Variants in MTMR8 observed in about 807,000 individuals in gnomAD.
MTMR8 encodes phosphatidylinositol-3,5-bisphosphate 3-phosphatase MTMR8.
Under a neutral mutation model 39.3 loss-of-function variants are expected in MTMR8, and 65 were observed. The observed-to-expected ratio is 1.65, with a 90% CI of 1.35 to 2.03. MTMR8 has a LOEUF of 2.03. Ranked by LOEUF, MTMR8 falls within the 30% of genes most tolerant of loss-of-function variation. MTMR8 has a pLI of 0.00. For synonymous variants in MTMR8, 245 were observed against 185.2 expected (o/e 1.32, Z -2.62); for missense variants, 777 against 538.9 (o/e 1.44, Z -4.37).
At chrX:64,388,220 C>A (rs1426386260) in intron 1 of MTMR8, among the ~76,000 whole-genome samples, 2 of 111,618 alleles carry the variant, frequency 1.8e-5, no homozygotes, top group South Asian at 3.8e-4. Context: ...GAATACCAAC[C>A]AGTGTAATGA....
chrX:64,384,114 C>T lies in MTMR8; in HGVS notation c.24+11226G>A, dbSNP rs769157858. 1.1e-3 allele frequency among the ~76,000 whole-genome samples: 121 copies of T among 111,971 alleles called. No individual in the cohort carries two copies. In the South Asian group the frequency reaches 0.016, roughly 14 times the overall value. Reference sequence around the variant, plus strand: ...AGGAGTTATAGGCCCCATGCAAGTACAAAACCCAGCAGAGCAGTCATTAAA... The same window carrying T: ...AGGAGTTATAGGCCCCATGCAAGTATAAAACCCAGCAGAGCAGTCATTAAA... On this transcript the variant is annotated intron_variant, in intron 1 of 13. Coordinates refer to ENST00000374852, the MANE Select transcript of MTMR8 (RefSeq NM_017677.4).
At chrX:64,301,741 A>G (rs1921885233) in intron 12 of MTMR8, among the ~76,000 whole-genome samples, 1 of 111,180 alleles carries the variant, frequency 9.0e-6, no homozygotes, top group African/African-American at 3.3e-5. Flanking sequence ...ATGGTGATGT[A>G]CAGATGGGTT....
chrX:64,269,148 T>C (rs892539276), intron 13 of MTMR8, 105 bp from the exon 14 acceptor site: 2 of 853,646 alleles, frequency 2.3e-6, no homozygotes, highest in Admixed American at 6.2e-5. Context: ...CTTATAATGG[T>C]AGCAAATGAC....
rs764878210 is a variant in MTMR8, at chrX:64,359,419, G to A, written c.133C>T (p.Arg45Trp). The A allele has an allele frequency of 2.2e-5, 26 of 1,200,879 alleles. No homozygotes were observed. The highest frequency in any genetic ancestry group is 8.9e-5 in the East Asian group (3 of 33,539). Residue 45 changes from arginine (R) to tryptophan (W), a missense_variant, in exon 2 of 14, where the codon CGG becomes TGG. Arg to Trp is a moderately radical substitution (Grantham distance 101). Transcript: ENST00000374852. Reference sequence around the variant, plus strand: ...CATGAACATACCCATGTTTCTTTCCGGGCTGCACCTGAAGCCTCCACATAG... The same window carrying A: ...CATGAACATACCCATGTTTCTTTCCAGGCTGCACCTGAAGCCTCCACATAG... ...LIYVEASGAA[R>W]KETWIALHHI...
At chrX:64,388,824 T>G (rs1044645669) in intron 1 of MTMR8, among the ~76,000 whole-genome samples, 9 of 112,269 alleles carry the variant, frequency 8.0e-5, no homozygotes, top group Non-Finnish European at 1.7e-4. Flanking sequence ...CTTTAATAGG[T>G]GAACGTTCAC....
At chrX:64,305,862 T>G (rs1217107703) in intron 12 of MTMR8, 2 of 278,187 alleles carry the variant, frequency 7.2e-6, no homozygotes, top group Non-Finnish European at 1.3e-5. Context: ...ACACTTGGAA[T>G]GCTAGCACTT....
At chrX:64,293,400 T>C (rs1453067750) in intron 12 of MTMR8, among the ~76,000 whole-genome samples, 1 of 111,553 alleles carries the variant, frequency 9.0e-6, no homozygotes, top group East Asian at 2.8e-4. Flanking sequence ...GTGGTTTAGC[T>C]TGAACCCTGA....
rs969028986 is a variant in MTMR8, at chrX:64,356,302, G to C, written c.184C>G (p.Pro62Ala). The change falls in exon 3 of 14, where the codon CCC becomes GCC. Residue 62 changes from proline (P) to alanine (A), a missense_variant. Coordinates refer to ENST00000374852, the MANE Select transcript of MTMR8 (RefSeq NM_017677.4). The stretch of plus-strand genomic sequence containing the variant: ...AGGGGACAACCCAGGCTAGTGATGG[G>C]TAACTTCTCCACAGTGGCAATGTGA... The part of the protein sequence containing the change: ...LHHIATVEKL[P>A]ITSLGCPLTL... 8.3e-7 allele frequency: 1 copy of C among 1,206,618 alleles called. No homozygotes were observed. Among genetic ancestry groups the C allele is most frequent in the African/African-American group, 1.8e-5 (1 of 56,832 alleles).
In MTMR8 at chrX:64,293,104, A is replaced by C. The variant is rs770741829; in HGVS notation, c.1482-22031T>G. On this transcript the variant is annotated intron_variant, in intron 12 of 13. Transcript: ENST00000374852. Reference sequence around the variant, plus strand: ...CAGGCAACAGATGACCTGCAGCATGATGACTTGGCAAGTCCAGAGGAAACG... The same window carrying C: ...CAGGCAACAGATGACCTGCAGCATGCTGACTTGGCAAGTCCAGAGGAAACG... Among the ~76,000 whole-genome samples the C allele has an allele frequency of 1.4e-4, 16 of 111,491 alleles. No individual in the cohort carries two copies. The South Asian group carries it at 5.8e-3, about 40-fold the overall frequency.
chrX:64,368,228 A>G (rs940448286), intron 1 of MTMR8, among the ~76,000 whole-genome samples: 1 of 111,281 alleles, frequency 9.0e-6, no homozygotes, highest in Non-Finnish European at 1.9e-5. Context: ...GATACCAATT[A>G]CTTTCTTCAC....
intron 12 of MTMR8, among the ~76,000 whole-genome samples, chrX:64,287,236 A>C (rs1216019131): frequency 9.0e-6 from 1 of 111,284 alleles, no homozygotes; most frequent in East Asian, 2.8e-4. Flanking sequence ...AGAATAAAAT[A>C]CCTAGGAATC....
At chrX:64,356,757 A>C (rs911893159) in intron 2 of MTMR8, among the ~76,000 whole-genome samples, 1 of 111,403 alleles carries the variant, frequency 9.0e-6, no homozygotes, top group African/African-American at 3.3e-5. Context: ...CCTTATCATA[A>C]ACAAAGTAGT....
At chrX:64,296,646 T>A (rs1313268003) in intron 12 of MTMR8, among the ~76,000 whole-genome samples, 1 of 105,769 alleles carries the variant, frequency 9.5e-6, no homozygotes, top group Admixed American at 1.0e-4. Context: ...TAGTTACATA[T>A]GTATACATGT....
At chrX:64,282,060 T>A (rs937278165) in intron 12 of MTMR8, among the ~76,000 whole-genome samples, 1 of 110,678 alleles carries the variant, frequency 9.0e-6, no homozygotes, top group Non-Finnish European at 1.9e-5. Context: ...TATTAAAAAG[T>A]CAAGAAACAA....
chrX:64,300,232 AC>A (rs1921804220), intron 12 of MTMR8, among the ~76,000 whole-genome samples: 1 of 109,536 alleles, frequency 9.1e-6, no homozygotes, highest in African/African-American at 3.3e-5. Flanking sequence ...TTTGTAGGTC[AC>A]TCAGGACTTG....
At chrX:64,352,180 C>G (rs1275974362) in intron 4 of MTMR8, among the ~76,000 whole-genome samples, 2 of 111,320 alleles carry the variant, frequency 1.8e-5, no homozygotes, top group African/African-American at 6.5e-5. Context: ...TCCCTGAGCA[C>G]TTTGCCTCTA....
chrX:64,271,176 A>T (rs1419625826), intron 12 of MTMR8, 103 bp from the exon 13 acceptor site: 1 of 840,790 alleles, frequency 1.2e-6, no homozygotes, highest in Non-Finnish European at 1.6e-6. Flanking sequence ...AGTAGGTGGG[A>T]AAATCTCATG....
At chrX:64,344,751 A>G (rs1013244247) in intron 7 of MTMR8, among the ~76,000 whole-genome samples, 1 of 111,748 alleles carries the variant, frequency 8.9e-6, no homozygotes, top group Non-Finnish European at 1.9e-5. Context: ...TGGTTTGCCT[A>G]TCCCTGAAAA....
intron 12 of MTMR8, among the ~76,000 whole-genome samples, chrX:64,284,050 C>A (rs1335084508): frequency 9.0e-6 from 1 of 111,663 alleles, no homozygotes; most frequent in Non-Finnish European, 1.9e-5. Context: ...AGTTCGAACC[C>A]ATGGCAAAGA....
Sources: allele counts gnomAD v4.1 joint callset (sites outside exome capture counted in the v4.1 genomes callset), GRCh38; gene constraint gnomAD v4.1.1; transcripts MANE v1.5; gene names NCBI Gene and HGNC (gene_info 2026-07-23, HGNC 2026-07-21).